The following DOK4 variants were observed in gnomAD, a reference collection of about 807,000 sequenced individuals.
DOK4 encodes the protein docking protein 4.
In DOK4, 26 loss-of-function variants were observed where a neutral mutation model predicts 40.1. That is an observed-to-expected ratio of 0.65 (90% CI 0.48 to 0.90). The LOEUF (loss-of-function observed/expected upper bound fraction) is 0.90. Among genes scored for constraint, DOK4 ranks in the 40% least tolerant of loss-of-function variants. DOK4 has a pLI of 0.00. For missense variants in DOK4, 392 were observed against 437.2 expected (o/e 0.90, Z 0.92); for synonymous variants, 179 against 177.0 (o/e 1.01, Z -0.09).
chr16:57,479,618 C>A lies in DOK4; in HGVS notation c.-111G>T. 1 of 1,213,322 alleles carries A rather than the reference C, an allele frequency of 8.2e-7. No individual in the cohort carries two copies. The highest frequency in any genetic ancestry group is 1.2e-6 in the Non-Finnish European group (1 of 837,974). 75.2% of individuals were successfully genotyped at this position (1,213,322 alleles called of 1,614,324 possible). On this transcript the variant is annotated 5_prime_UTR_variant, in exon 2 of 9. Transcript: ENST00000340099. The surrounding 1 kb of genome is among the most constrained non-coding windows in gnomAD (Gnocchi z 5.8). ...ACCTGTTCCAGACACTCTGTCGGGG[C>A]TGCCGCGAGGGGCTGCTCCTCACCT...
In DOK4 at chr16:57,479,683, C is replaced by T. The variant is rs796909256; in HGVS notation, c.-176G>A. ...TTGTTCTAGCAGCTCCTTCGCCCCG[C>T]GCCTGCTGGAAATAAAAATGACAGG... On this transcript the variant is annotated 5_prime_UTR_variant, in exon 2 of 9. Transcript: ENST00000340099. The surrounding 1 kb of genome is among the most constrained non-coding windows in gnomAD (Gnocchi z 5.8). 2.5e-5 allele frequency: 14 copies of T among 560,968 alleles called. No individual in the cohort carries two copies. The highest frequency in any genetic ancestry group is 3.8e-5 in the African/African-American group (2 of 52,546). 34.7% of individuals were successfully genotyped at this position (560,968 alleles called of 1,614,324 possible). A position where few individuals can be genotyped will look rare whatever the true frequency, so the allele number is the denominator to read the frequency against.
chr16:57,478,655 T>G (rs1381240324), intron 2 of DOK4: 1 of 152,262 alleles, frequency 6.6e-6, no homozygotes, highest in Non-Finnish European at 1.5e-5. Context: ...TCTTCACCAG[T>G]TGGGGGTCTA....
At chr16:57,475,386 CCCACACACA>C in intron 4 of DOK4, 111 bp downstream of exon 4, 3 of 1,373,846 alleles carry the variant, frequency 2.2e-6, no homozygotes, top group South Asian at 2.6e-5. Flanking sequence ...CACCCCCAAC[CCCACACACA>C]CCACACCACC....
At chr16:57,474,290 T>C (rs952588841) in intron 6 of DOK4, among the ~76,000 whole-genome samples, 3 of 152,192 alleles carry the variant, frequency 2.0e-5, no homozygotes, top group Non-Finnish European at 4.4e-5. Flanking sequence ...CTCTGTACCA[T>C]TAATGGTTTC....
exon 8 of DOK4, chr16:57,473,655 TGTG>T (rs755071066): frequency 8.7e-6 from 14 of 1,614,124 alleles, no homozygotes; most frequent in Middle Eastern, 1.6e-4. Context: ...GAACCAGTGA[TGTG>T]GTGCCAGTAG....
exon 7 of DOK4, chr16:57,474,006 G>A: frequency 1.2e-6 from 2 of 1,614,130 alleles, no homozygotes; most frequent in Non-Finnish European, 1.7e-6. Context: ...CTTGTGTCTG[G>A]AAGGTATAGA....
chr16:57,474,613 AAG>A lies in DOK4; in HGVS notation c.599+178_599+179del, dbSNP rs2031053148. The A allele has an allele frequency of 1.2e-5, 9 of 779,426 alleles. No homozygotes were observed. The Middle Eastern group carries it at 1.1e-3, about 97-fold the overall frequency. 48.3% of individuals were successfully genotyped at this position (779,426 alleles called of 1,614,324 possible). A position where few individuals can be genotyped will look rare whatever the true frequency, so the allele number is the denominator to read the frequency against. ...TTCACTTGACCTGCATGCTGTGGGCAAGTTACTCCTCTAAGCCTCCATTTCAT... is the reference window on the plus strand; with the variant it reads ...TTCACTTGACCTGCATGCTGTGGGCATTACTCCTCTAAGCCTCCATTTCAT... On this transcript the variant is annotated intron_variant, in intron 6 of 8. Transcript: ENST00000340099.
rs537857348 is a variant in DOK4, at chr16:57,486,138, G to C, written c.-182+167C>G. Among the ~76,000 whole-genome samples, 64 of 152,124 alleles carry C rather than the reference G, an allele frequency of 4.2e-4. 2 individuals carry two copies. In the South Asian group the frequency reaches 0.013, roughly 31 times the overall value. ...TTCAGGGCCCAGGCACTGGCTTTTG[G>C]GGGGCGGGTCTCTAAGCTCCCCACC... On this transcript the variant is annotated intron_variant, in intron 1 of 8. Coordinates refer to ENST00000340099, the Ensembl canonical transcript of DOK4.
chr16:57,480,558 G>C (rs913971199), intron 1 of DOK4: 5 of 152,460 alleles, frequency 3.3e-5, no homozygotes, highest in Non-Finnish European at 7.3e-5. Context: ...GCCCCAACAG[G>C]CCACTGGGTC....
chr16:57,474,864 G>A (rs944234470), exon 6 of DOK4: 7 of 1,614,070 alleles, frequency 4.3e-6, no homozygotes, highest in Admixed American at 1.7e-5. Flanking sequence ...GCCACGAGAC[G>A]AGCTTCACAC....
chr16:57,486,790 G>T (rs542815512), upstream of DOK4, among the ~76,000 whole-genome samples: 1 of 147,848 alleles, frequency 6.8e-6, no homozygotes, highest in South Asian at 2.1e-4. Flanking sequence ...ACACCCATAC[G>T]CCACATCAGC....
Position 57,476,190 on chromosome 16 carries a change from C to G in DOK4, c.67-233G>C, listed in dbSNP as rs1417676688. On this transcript the variant is annotated intron_variant, in intron 2 of 8. Transcript: ENST00000340099. ...TCTTGGCTGGCTCCAAAACGCTGTT[C>G]CACAAAGGGTGCTCTCCTGACCTGC... The G allele has an allele frequency of 1.1e-5, 6 of 549,056 alleles. No homozygotes were observed. The African/African-American group carries it at 1.1e-4, about 10-fold the overall frequency. 34.0% of individuals were successfully genotyped at this position (549,056 alleles called of 1,614,324 possible). A position where few individuals can be genotyped will look rare whatever the true frequency, so the allele number is the denominator to read the frequency against.
In DOK4 at chr16:57,479,305, C is replaced by A. The variant is rs950849343; in HGVS notation, c.66+137G>T. On this transcript the variant is annotated intron_variant, in intron 2 of 8. Coordinates refer to ENST00000340099, the Ensembl canonical transcript of DOK4. This position sits in a 1 kb window ranked among gnomAD's most constrained non-coding sequence, Gnocchi z 5.8. Reference sequence around the variant, plus strand: ...TGCCAGGCAGCACGCTGGCGAGGAGCCCCGAGACCACAGATGCACGATGCC... The same window carrying A: ...TGCCAGGCAGCACGCTGGCGAGGAGACCCGAGACCACAGATGCACGATGCC... The A allele has an allele frequency of 1.1e-6, 1 of 936,628 alleles. No individual in the cohort carries two copies. Among genetic ancestry groups the A allele is most frequent in the African/African-American group, 1.6e-5 (1 of 60,812 alleles). 58.0% of individuals were successfully genotyped at this position (936,628 alleles called of 1,614,324 possible).
chr16:57,479,160 G>T lies in DOK4; in HGVS notation c.66+282C>A, dbSNP rs2031313492. On this transcript the variant is annotated intron_variant, in intron 2 of 8. Coordinates refer to ENST00000340099, the Ensembl canonical transcript of DOK4. This position sits in a 1 kb window ranked among gnomAD's most constrained non-coding sequence, Gnocchi z 5.8. The stretch of plus-strand genomic sequence containing the variant: ...TGACAACTTCAACAATAGCAGGGGA[G>T]CCGCCTGCCCATCGGTGGCCACCAT... Among the ~76,000 whole-genome samples the T allele has an allele frequency of 6.6e-6, 1 of 152,230 alleles. No homozygotes were observed. Among genetic ancestry groups the T allele is most frequent in the South Asian group, 2.1e-4 (1 of 4,830 alleles).
In DOK4 at chr16:57,473,890, C is replaced by G; in HGVS notation, c.738+11G>C. The G allele has an allele frequency of 6.2e-7, 1 of 1,613,202 alleles. No individual in the cohort carries two copies. Among genetic ancestry groups the G allele is most frequent in the East Asian group, 2.2e-5 (1 of 44,852 alleles). On this transcript the variant is annotated intron_variant, in intron 7 of 8. Transcript: ENST00000340099. ...TCCCCCCGTACCCTGGACTGATGCC[C>G]GCTGCCTCACCCTCACGTTCTTCTC...
rs545406783 is a variant in DOK4 at position 57,474,498 on chromosome 16, CCA to C, written c.599+293_599+294del. On this transcript the variant is annotated intron_variant, in intron 6 of 8. Coordinates refer to ENST00000340099, the Ensembl canonical transcript of DOK4. ...TTAGGTACTTTATTATCCCCGAAAC[CCA>C]GACTCAGATCCACAGTCACAGAAGT... Among the ~76,000 whole-genome samples, 687 of 152,246 alleles carry C rather than the reference CCA, an allele frequency of 4.5e-3. 5 individuals carry two copies. Among genetic ancestry groups the C allele is most frequent in the Non-Finnish European group, 7.1e-3 (485 of 68,016 alleles).
Position 57,474,010 on chromosome 16 carries a change from GTA to G in DOK4, c.627_628del (p.Thr210LeufsTer79). ...CTGCTCCCCCTCTTGTGTCTGGAAG[GTA>G]TAGAGTCCTTCCCCAGCATCACACA... On this transcript the variant is annotated frameshift_variant, in exon 7 of 9. Transcript: ENST00000340099. LOFTEE classifies it high-confidence loss of function. 2 of 1,614,126 alleles carry G rather than the reference GTA, an allele frequency of 1.2e-6. No individual in the cohort carries two copies. The highest frequency in any genetic ancestry group is 1.7e-6 in the Non-Finnish European group (2 of 1,180,018).
intron 5 of DOK4, 23 bp from the exon 6 acceptor site, chr16:57,475,005 A>G: frequency 1.2e-6 from 2 of 1,600,790 alleles, no homozygotes. Flanking sequence ...AGGGTGGACA[A>G]GTGGGACCAG....
chr16:57,482,037 G>A (rs367976043), intron 1 of DOK4, among the ~76,000 whole-genome samples: 14 of 151,688 alleles, frequency 9.2e-5, no homozygotes, highest in South Asian at 4.2e-4. Context: ...GCTAATTTTC[G>A]GTATTTTTAG....
Sources: allele counts gnomAD v4.1 joint callset (sites outside exome capture counted in the v4.1 genomes callset), GRCh38; gene constraint gnomAD v4.1.1; non-coding constraint Gnocchi (gnomAD v3.1); transcripts MANE v1.5; gene names NCBI Gene and HGNC (gene_info 2026-07-23, HGNC 2026-07-21).